PCCA: variants seen among roughly 807,000 people sequenced by gnomAD.
The protein encoded by PCCA is propionyl-CoA carboxylase alpha chain, mitochondrial.
In PCCA, 74 loss-of-function variants were observed where a neutral mutation model predicts 101.3. The ratio of observed to expected loss-of-function variants is 0.73; its 90% confidence interval spans 0.61 to 0.89. PCCA has a LOEUF of 0.89. PCCA is among the 40% of genes least tolerant of loss of function. PCCA has a pLI of 0.00. For synonymous variants in PCCA, 294 were observed against 313.6 expected, an observed-to-expected ratio of 0.94 and a Z score of 0.66; for missense variants, 891 against 907.0, an observed-to-expected ratio of 0.98 and a Z score of 0.23.
At chr13:100,412,302 G>C (rs922644767) in intron 19 of PCCA, among the ~76,000 whole-genome samples, 2 of 152,214 alleles carry the variant, frequency 1.3e-5, no homozygotes, top group Admixed American at 6.5e-5. Flanking sequence ...AAATGCGGAA[G>C]TATTAAAGGG....
At chr13:100,433,363 C>G (rs1026420947) in intron 20 of PCCA, among the ~76,000 whole-genome samples, 1 of 152,146 alleles carries the variant, frequency 6.6e-6, no homozygotes, top group African/African-American at 2.4e-5. Context: ...TGGAGCAGGA[C>G]TTATCTAGAT....
At chr13:100,357,426 A>G (rs923995291) in intron 18 of PCCA, among the ~76,000 whole-genome samples, 1 of 152,326 alleles carries the variant, frequency 6.6e-6, no homozygotes, top group East Asian at 1.9e-4. Context: ...AGCAATATCA[A>G]GTGTTCCTGG....
intron 8 of PCCA, among the ~76,000 whole-genome samples, chr13:100,248,005 A>G (rs182865746): frequency 4.1e-4 from 62 of 152,282 alleles, no homozygotes; most frequent in African/African-American, 1.4e-3. Context: ...ATATTCCTAA[A>G]CAAGCTTATT....
At chr13:100,410,611 G>A (rs766003443) in intron 19 of PCCA, among the ~76,000 whole-genome samples, 11 of 152,130 alleles carry the variant, frequency 7.2e-5, no homozygotes, top group South Asian at 2.1e-4. Flanking sequence ...CAGTTCTTGC[G>A]GACCTCTCCT....
At chr13:100,387,978 G>A (rs192215563) in intron 19 of PCCA, among the ~76,000 whole-genome samples, 1 of 152,314 alleles carries the variant, frequency 6.6e-6, no homozygotes, top group Admixed American at 6.5e-5. Flanking sequence ...GGCAAATACT[G>A]TAATTAAGAC....
chr13:100,528,675 G>A (rs1000894935), intron 23 of PCCA, among the ~76,000 whole-genome samples: 2 of 152,246 alleles, frequency 1.3e-5, no homozygotes, highest in African/African-American at 4.8e-5. Flanking sequence ...CCGCCGGTCT[G>A]GAGGGGTGTG....
Position 100,309,833 on chromosome 13 carries a change from C to T in PCCA, c.1354C>T (p.Leu452=). 1 of 1,606,044 alleles carries T rather than the reference C, an allele frequency of 6.2e-7. No homozygotes were observed. Among genetic ancestry groups the T allele is most frequent in the Non-Finnish European group, 8.5e-7 (1 of 1,172,936 alleles). The change falls in exon 16 of 24, where the codon CTA becomes TTA. Residue 452 remains leucine, a splice_region_variant and synonymous_variant. Coordinates refer to ENST00000376285, the MANE Select transcript of PCCA (RefSeq NM_000282.4). ...GGGTTTTTTGTTTGCTTGTTTTTAG[C>T]TAATCACATATGGCTCTGATAGAAC... is the stretch of plus-strand genomic sequence containing the variant. ...SIYYDPMISK[L]ITYGSDRTEA...
In PCCA at chr13:100,223,354, C is replaced by T. The variant is rs55968326; in HGVS notation, c.601-12488C>T. Among the ~76,000 whole-genome samples, 1,165 of 152,036 alleles carry T rather than the reference C, an allele frequency of 7.7e-3. 14 individuals are homozygous for T. The highest frequency in any genetic ancestry group is 0.027 in the African/African-American group (1,110 of 41,438). On this transcript the variant is annotated intron_variant, in intron 7 of 23. Coordinates refer to ENST00000376285, the MANE Select transcript of PCCA (RefSeq NM_000282.4). ...GTTCCTTCTGATGTTGGGATGTGTT[C>T]GGAGTTTCTTCCTTCTGGTGGGTTC... is the stretch of plus-strand genomic sequence containing the variant.
chr13:100,326,956 G>T (rs1387531492), intron 16 of PCCA, among the ~76,000 whole-genome samples: 1 of 151,998 alleles, frequency 6.6e-6, no homozygotes, highest in Non-Finnish European at 1.5e-5. Flanking sequence ...TGTGCAGGAG[G>T]CACCCCTAAT....
At chr13:100,475,646 C>T (rs1340737876) in intron 21 of PCCA, among the ~76,000 whole-genome samples, 2 of 152,078 alleles carry the variant, frequency 1.3e-5, no homozygotes, top group Non-Finnish European at 1.5e-5. Context: ...TTTAATTTTT[C>T]TTGGGTGTAT....
intron 19 of PCCA, among the ~76,000 whole-genome samples, chr13:100,413,836 T>C (rs1311694395): frequency 1.3e-5 from 2 of 152,226 alleles, no homozygotes; most frequent in Non-Finnish European, 2.9e-5. Context: ...TCAATTGTTC[T>C]TTATGTAAAG....
At position 100,499,611 on chromosome 13, in the gene PCCA, A is replaced by G. The variant is rs537707086; in HGVS notation, c.1900-15816A>G. Among the ~76,000 whole-genome samples the G allele has an allele frequency of 2.0e-5, 3 of 152,306 alleles. 1 individual carries two copies. The highest frequency in any genetic ancestry group is 7.2e-5 in the African/African-American group (3 of 41,566). ...GCCTTTCATATCCTGCCTCCTTGGG[A>G]TAAAGAGTGTTTGTTTACAGAGCTT... On this transcript the variant is annotated intron_variant, in intron 21 of 23. Transcript: ENST00000376285.
intron 21 of PCCA, among the ~76,000 whole-genome samples, chr13:100,450,759 A>G (rs1219869199): frequency 6.6e-6 from 1 of 152,258 alleles, no homozygotes; most frequent in Non-Finnish European, 1.5e-5. Flanking sequence ...GTATATGTAT[A>G]GGTACTTGGT....
At chr13:100,373,968 C>G (rs1451202118) in intron 19 of PCCA, among the ~76,000 whole-genome samples, 7 of 152,042 alleles carry the variant, frequency 4.6e-5, no homozygotes, top group African/African-American at 1.7e-4. Context: ...AAAAATTAGC[C>G]AAGTGTGGTA....
chr13:100,328,729 C>T (rs1296715146), intron 16 of PCCA, among the ~76,000 whole-genome samples: 11 of 135,236 alleles, frequency 8.1e-5, no homozygotes, highest in Non-Finnish European at 1.2e-4. Flanking sequence ...TGTCTAGCTC[C>T]GTCGCTGAGG....
chr13:100,447,914 A>G (rs949946819), intron 20 of PCCA, among the ~76,000 whole-genome samples: 5 of 152,186 alleles, frequency 3.3e-5, no homozygotes, highest in Non-Finnish European at 5.9e-5. Flanking sequence ...TCTGGGTTCT[A>G]TTACTTCTGT....
At chr13:100,487,187 TAACTC>T (rs2084449120) in intron 21 of PCCA, among the ~76,000 whole-genome samples, 1 of 152,336 alleles carries the variant, frequency 6.6e-6, no homozygotes, top group African/African-American at 2.4e-5. Context: ...GTATTACTGA[TAACTC>T]AATCATTGTT....
At chr13:100,528,817 T>G (rs990561737) in intron 23 of PCCA, among the ~76,000 whole-genome samples, 2 of 152,222 alleles carry the variant, frequency 1.3e-5, no homozygotes, top group East Asian at 3.8e-4. Context: ...TGTAAAAATT[T>G]TATCTGTTCT....
intron 6 of PCCA, among the ~76,000 whole-genome samples, chr13:100,165,088 G>A (rs1288341832): frequency 6.6e-6 from 1 of 152,102 alleles, no homozygotes; most frequent in Non-Finnish European, 1.5e-5. Context: ...GGACATTTGG[G>A]CTGTTTGTAC....
Sources: gnomAD v4.1 joint callset for allele counts (sites outside exome capture counted in the v4.1 genomes callset) on GRCh38, gnomAD v4.1.1 for gene constraint, MANE v1.5 for transcripts, NCBI Gene and HGNC (gene_info 2026-07-23, HGNC 2026-07-21) for gene names.